The following SLC28A3 variants were observed in gnomAD, a reference collection of about 807,000 sequenced individuals.
SLC28A3 encodes the protein solute carrier family 28 member 3.
Under a neutral mutation model 84.2 loss-of-function variants are expected in SLC28A3, and 68 were observed. That is an observed-to-expected ratio of 0.81 (90% CI 0.66 to 0.99). The LOEUF (loss-of-function observed/expected upper bound fraction) is 0.99. Among genes scored for constraint, SLC28A3 ranks in the 50% least tolerant of loss-of-function variants. The pLI, the probability that SLC28A3 is intolerant of heterozygous loss-of-function variation, is 0.00. For synonymous variants in SLC28A3, 267 were observed against 303.6 expected, an observed-to-expected ratio of 0.88 and a Z score of 1.25; for missense variants, 712 against 841.5, an observed-to-expected ratio of 0.85 and a Z score of 1.90.
chr9:84,292,545 G>A, intron 10 of SLC28A3, 123 bp downstream of exon 10: 2 of 674,962 alleles, frequency 3.0e-6, no homozygotes, highest in South Asian at 2.1e-5. Context: ...AATACTGGGG[G>A]TTTCTTATTT....
At chr9:84,348,171 G>C in the SLC28A3 span, among the ~76,000 whole-genome samples, 1 of 152,088 alleles carries the variant, frequency 6.6e-6, no homozygotes, top group Non-Finnish European at 1.5e-5. Context: ...GCTTGTTTTA[G>C]ATGAGTATAA....
intron 12 of SLC28A3, 136 bp from the exon 13 acceptor site, chr9:84,286,247 T>C (rs1191026461): frequency 1.4e-5 from 10 of 725,878 alleles, no homozygotes; most frequent in Non-Finnish European, 2.2e-5. Flanking sequence ...AATACTCACC[T>C]GAATCCCATG....
At chr9:84,318,013 A>G (rs1191504450) in intron 1 of SLC28A3, among the ~76,000 whole-genome samples, 1 of 152,172 alleles carries the variant, frequency 6.6e-6, no homozygotes, top group Admixed American at 6.5e-5. Flanking sequence ...TCTAAATGTT[A>G]TTCTTCGACT....
At chr9:84,339,441 G>A (rs1827085945) in intron 1 of SLC28A3, among the ~76,000 whole-genome samples, 1 of 151,902 alleles carries the variant, frequency 6.6e-6, no homozygotes, top group South Asian at 2.1e-4. Flanking sequence ...GTAGAGATGG[G>A]GTTTCACTAT....
chr9:84,314,853 C>T (rs570966418), intron 1 of SLC28A3, among the ~76,000 whole-genome samples: 40 of 152,196 alleles, frequency 2.6e-4, no homozygotes, highest in Admixed American at 1.3e-3. Flanking sequence ...CCAAGGTGGG[C>T]GGATCACGAG....
At chr9:84,334,047 G>A (rs1181373868) in intron 1 of SLC28A3, among the ~76,000 whole-genome samples, 1 of 152,252 alleles carries the variant, frequency 6.6e-6, no homozygotes, top group African/African-American at 2.4e-5. Flanking sequence ...GCTCACGCCT[G>A]TAATCCCAAC....
chr9:84,282,308 A>C, intron 14 of SLC28A3, among the ~76,000 whole-genome samples: 1 of 152,110 alleles, frequency 6.6e-6, no homozygotes, highest in East Asian at 1.9e-4. Flanking sequence ...AAGGTGTGAC[A>C]GAGATGATAG....
At chr9:84,356,490 T>C in the SLC28A3 span, among the ~76,000 whole-genome samples, 5 of 152,172 alleles carry the variant, frequency 3.3e-5, no homozygotes, top group African/African-American at 1.2e-4. Flanking sequence ...TAAAATGTGA[T>C]GGTTCCCATT....
At chr9:84,290,107 TAAAG>T in intron 11 of SLC28A3, 43 bp downstream of exon 11, 1 of 1,593,118 alleles carries the variant, frequency 6.3e-7, no homozygotes, top group Non-Finnish European at 8.6e-7. Context: ...ATAACAATAA[TAAAG>T]AAAGAAGAGG....
intron 8 of SLC28A3, among the ~76,000 whole-genome samples, chr9:84,296,597 C>G (rs1176953978): frequency 6.6e-6 from 1 of 152,232 alleles, no homozygotes; most frequent in Non-Finnish European, 1.5e-5. Context: ...GTGGGAGCCT[C>G]AAGAAGGAAC....
At chr9:84,281,290 T>C (rs1470053937) in intron 14 of SLC28A3, among the ~76,000 whole-genome samples, 1 of 152,154 alleles carries the variant, frequency 6.6e-6, no homozygotes, top group Non-Finnish European at 1.5e-5. Flanking sequence ...ATTCAGACTA[T>C]ATAAAAAACT....
At chr9:84,341,951 A>G (rs7867251), upstream of SLC28A3, among the ~76,000 whole-genome samples, 8,032 of 152,092 alleles carry the variant, frequency 0.053, 417 homozygotes, top group East Asian at 0.15. Context: ...CAACATGGCG[A>G]AACTCCATCT....
intron 1 of SLC28A3, among the ~76,000 whole-genome samples, chr9:84,319,975 A>G (rs1414373792): frequency 6.8e-6 from 1 of 147,008 alleles, no homozygotes; most frequent in Non-Finnish European, 1.5e-5. Flanking sequence ...ATAGATAAGT[A>G]TCCTTTGTCC....
chr9:84,292,723 G>T lies in SLC28A3; in HGVS notation c.968C>A (p.Thr323Lys). ...TACAGATTCAATAGGAGATGATCCC[G>T]TAGTAACTAGCATGATCCATCCAAC... ...RKVGWIMLVT[T>K]GSSPIESVVA... The change falls in exon 10 of 18, where the codon ACG (threonine) becomes AAG (lysine). Residue 323 changes from threonine to lysine, a missense_variant. Physicochemically the swap from Thr to Lys is moderately conservative, Grantham distance 78 (BLOSUM62 -1). Coordinates refer to ENST00000376238, the MANE Select transcript of SLC28A3 (RefSeq NM_001199633.2). 6.2e-7 allele frequency: 1 copy of T among 1,600,108 alleles called. No individual in the cohort carries two copies. Among genetic ancestry groups the T allele is most frequent in the Non-Finnish European group, 8.5e-7 (1 of 1,175,028 alleles).
At chr9:84,317,854 G>A (rs1015284956) in intron 1 of SLC28A3, among the ~76,000 whole-genome samples, 2 of 152,114 alleles carry the variant, frequency 1.3e-5, no homozygotes, top group Non-Finnish European at 2.9e-5. Context: ...ATTTACAGTC[G>A]TGTTGTCCTC....
At chr9:84,351,285 T>C in the SLC28A3 span, among the ~76,000 whole-genome samples, 54,232 of 152,044 alleles carry the variant, frequency 0.36, 12,934 homozygotes, top group African/African-American at 0.67. Flanking sequence ...ATGAGACTAC[T>C]ATTGTATATG....
At chr9:84,316,042 A>G (rs1325716363) in intron 1 of SLC28A3, among the ~76,000 whole-genome samples, 1 of 152,170 alleles carries the variant, frequency 6.6e-6, no homozygotes, top group Non-Finnish European at 1.5e-5. Flanking sequence ...GTGTGCTAAA[A>G]GATGAGGGTC....
chr9:84,297,444 C>T, intron 7 of SLC28A3, 146 bp from the exon 8 acceptor site: 1 of 621,166 alleles, frequency 1.6e-6, no homozygotes, highest in Non-Finnish European at 2.8e-6. Context: ...TTTGCCCCCT[C>T]CAATGAATGG....
At chr9:84,329,211 T>TAA (rs1490683463) in intron 1 of SLC28A3, among the ~76,000 whole-genome samples, 7 of 152,120 alleles carry the variant, frequency 4.6e-5, no homozygotes, top group Admixed American at 1.3e-4. Flanking sequence ...AAAAGAGCTC[T>TAA]AAAACACATG....
Sources: gnomAD v4.1 joint callset for allele counts (sites outside exome capture counted in the v4.1 genomes callset) on GRCh38, gnomAD v4.1.1 for gene constraint, MANE v1.5 for transcripts, NCBI Gene and HGNC (gene_info 2026-07-23, HGNC 2026-07-21) for gene names.